Variants in CSMD3 observed in about 807,000 individuals in gnomAD.
CSMD3 encodes the protein CUB and sushi domain-containing protein 3.
A neutral mutation model predicts 435.2 loss-of-function variants in CSMD3; 177 were observed. The observed-to-expected ratio is 0.41, with a 90% CI of 0.36 to 0.46. CSMD3 has a LOEUF of 0.46. Among genes scored for constraint, CSMD3 ranks in the 20% least tolerant of loss-of-function variants. The probability of loss-of-function intolerance (pLI) is 0.34; values close to 1 mark genes in which losing one functional copy is unlikely to be tolerated. For missense variants in CSMD3, 4,265 were observed against 4,504.6 expected (o/e 0.95, Z 1.52); for synonymous variants, 1,656 against 1,520.5 (o/e 1.09, Z -2.07).
At chr8:112,853,117 A>G (rs1244968610) in intron 11 of CSMD3, among the ~76,000 whole-genome samples, 1 of 152,244 alleles carries the variant, frequency 6.6e-6, no homozygotes, top group East Asian at 1.9e-4. Flanking sequence ...CTTCAATCAC[A>G]TAAAAATGTA....
intron 7 of CSMD3, among the ~76,000 whole-genome samples, chr8:112,955,093 A>G (rs1367252308): frequency 6.6e-6 from 1 of 151,680 alleles, no homozygotes; most frequent in East Asian, 1.9e-4. Context: ...ACTTTTACGG[A>G]ATAAATTAAA....
intron 38 of CSMD3, among the ~76,000 whole-genome samples, chr8:112,356,948 C>T (rs978571347): frequency 2.6e-5 from 4 of 151,976 alleles, no homozygotes; most frequent in Admixed American, 6.6e-5. Flanking sequence ...TGACTAATAT[C>T]GTAAATTGGT....
At chr8:113,012,588 T>A (rs953973762) in intron 6 of CSMD3, among the ~76,000 whole-genome samples, 3 of 151,988 alleles carry the variant, frequency 2.0e-5, no homozygotes, top group East Asian at 1.9e-4. Context: ...AAATGGTAAT[T>A]TTTTCGGCAC....
chr8:112,907,445 A>G (rs1449373326), intron 10 of CSMD3, among the ~76,000 whole-genome samples: 1 of 151,488 alleles, frequency 6.6e-6, no homozygotes, highest in Non-Finnish European at 1.5e-5. Flanking sequence ...CAGCACATAT[A>G]AAAGCTGTGT....
chr8:112,426,767 G>T (rs1813109005), intron 32 of CSMD3, among the ~76,000 whole-genome samples: 1 of 152,074 alleles, frequency 6.6e-6, no homozygotes, highest in South Asian at 2.1e-4. Context: ...CACTACTTTA[G>T]ATTATTCGTG....
intron 6 of CSMD3, among the ~76,000 whole-genome samples, chr8:113,008,732 G>A (rs1184838566): frequency 6.6e-6 from 1 of 151,300 alleles, no homozygotes; most frequent in African/African-American, 2.4e-5. Flanking sequence ...AATCTTTCTA[G>A]TACTATATAT....
chr8:113,273,954 A>T (rs980539316), intron 3 of CSMD3, among the ~76,000 whole-genome samples: 1 of 152,112 alleles, frequency 6.6e-6, no homozygotes, highest in Non-Finnish European at 1.5e-5. Flanking sequence ...GCTAAATAAA[A>T]TATAAGAATA....
chr8:112,784,353 C>T (rs2078481351), intron 13 of CSMD3, among the ~76,000 whole-genome samples: 1 of 151,772 alleles, frequency 6.6e-6, no homozygotes, highest in African/African-American at 2.4e-5. Flanking sequence ...AATAAACAAT[C>T]TAATGATAAA....
chr8:112,549,869 G>C (rs1006330952), intron 27 of CSMD3, among the ~76,000 whole-genome samples: 1 of 151,956 alleles, frequency 6.6e-6, no homozygotes, highest in Non-Finnish European at 1.5e-5. Flanking sequence ...CATTTGAAGA[G>C]TACTGGTTTT....
At chr8:113,239,728 G>A (rs947784817) in intron 3 of CSMD3, among the ~76,000 whole-genome samples, 26 of 151,998 alleles carry the variant, frequency 1.7e-4, no homozygotes, top group African/African-American at 4.8e-4. Context: ...GGGACTGTTC[G>A]TAGAAATATG....
rs2092392998 is a variant in CSMD3, at chr8:113,179,464, T to C, written c.515-5548A>G. On this transcript the variant is annotated intron_variant, in intron 3 of 70. Coordinates refer to ENST00000297405, the MANE Select transcript of CSMD3 (RefSeq NM_198123.2). ...AATAGTAATTTAGTCAAGGGTAAAATTCAATTGCTCCTCTCCGAATCATAA... is the reference window on the plus strand; with the variant it reads ...AATAGTAATTTAGTCAAGGGTAAAACTCAATTGCTCCTCTCCGAATCATAA... 2.6e-5 allele frequency among the ~76,000 whole-genome samples: 4 copies of C among 151,708 alleles called. No homozygotes were observed. The South Asian group carries it at 8.3e-4, about 31-fold the overall frequency.
At chr8:113,025,405 G>C (rs2086840177) in intron 5 of CSMD3, among the ~76,000 whole-genome samples, 1 of 152,114 alleles carries the variant, frequency 6.6e-6, no homozygotes. Context: ...GTGTGTCAGT[G>C]CTCTGGACTG....
At chr8:113,292,535 C>G (rs1289521457) in intron 2 of CSMD3, among the ~76,000 whole-genome samples, 1 of 151,698 alleles carries the variant, frequency 6.6e-6, no homozygotes. Context: ...TATGCAGAAG[C>G]ATTATCAATT....
Position 112,573,724 on chromosome 8 carries a change from T to C in CSMD3, c.3886-67A>G, listed in dbSNP as rs190896883. On this transcript the variant is annotated intron_variant, in intron 23 of 70. Coordinates refer to ENST00000297405, the MANE Select transcript of CSMD3 (RefSeq NM_198123.2). ...ATAATCAATTCAGAGCATGTATTTG[T>C]ATCTATGAAAAAGAGAAAAGTGTAC... The C allele has an allele frequency of 2.3e-4, 286 of 1,270,154 alleles. 2 individuals are homozygous for C. The African/African-American group carries it at 3.8e-3, about 17-fold the overall frequency. The allele number at this position is 1,270,154 out of a possible 1,614,324, so 78.7% of individuals were successfully genotyped here.
intron 1 of CSMD3, among the ~76,000 whole-genome samples, chr8:113,394,011 T>C (rs2094472301): frequency 1.3e-5 from 2 of 152,246 alleles, no homozygotes; most frequent in South Asian, 4.1e-4. Flanking sequence ...AGTATAATGA[T>C]GGATACTTGC....
intron 13 of CSMD3, among the ~76,000 whole-genome samples, chr8:112,727,644 T>C (rs2076993879): frequency 6.6e-6 from 1 of 151,806 alleles, no homozygotes; most frequent in African/African-American, 2.4e-5. Context: ...AATCAAAACT[T>C]AATATTTCCA....
At chr8:113,417,804 T>C (rs979561595) in intron 1 of CSMD3, among the ~76,000 whole-genome samples, 13 of 151,976 alleles carry the variant, frequency 8.6e-5, no homozygotes, top group African/African-American at 2.9e-4. Flanking sequence ...AACATTAACA[T>C]AGGACAGGTT....
At chr8:113,127,753 C>T (rs1217907760) in intron 4 of CSMD3, among the ~76,000 whole-genome samples, 1 of 152,066 alleles carries the variant, frequency 6.6e-6, no homozygotes, top group Non-Finnish European at 1.5e-5. Context: ...TACTCCCCTC[C>T]TATAATGCTT....
intron 32 of CSMD3, among the ~76,000 whole-genome samples, chr8:112,440,633 G>C (rs559434980): frequency 6.7e-6 from 1 of 148,784 alleles, no homozygotes; most frequent in Admixed American, 6.6e-5. Context: ...AGACGATCAG[G>C]TGTTCCCACA....
Sources: gnomAD v4.1 joint callset for allele counts (sites outside exome capture counted in the v4.1 genomes callset) on GRCh38, gnomAD v4.1.1 for gene constraint, MANE v1.5 for transcripts, NCBI Gene and HGNC (gene_info 2026-07-23, HGNC 2026-07-21) for gene names.